The following DNER variants were observed in gnomAD, a reference collection of about 807,000 sequenced individuals.
DNER encodes delta/notch like EGF repeat containing.
DNER carries 33 observed loss-of-function variants against 78.2 expected under a neutral mutation model. That is an observed-to-expected ratio of 0.42 (90% CI 0.32 to 0.56). The LOEUF is 0.56. Ranked by LOEUF, DNER falls within the 20% of genes least tolerant of loss-of-function variation. DNER has a pLI of 0.11. For missense variants in DNER, 918 were observed against 975.3 expected, an observed-to-expected ratio of 0.94 and a Z score of 0.78; for synonymous variants, 417 against 384.8, an observed-to-expected ratio of 1.08 and a Z score of -0.98.
chr2:229,652,108 G>A (rs745743503), intron 1 of DNER, among the ~76,000 whole-genome samples: 1 of 152,172 alleles, frequency 6.6e-6, no homozygotes, highest in Non-Finnish European at 1.5e-5. Flanking sequence ...AAGAGCTAGA[G>A]GAAACATCAA....
At chr2:229,643,716 T>C (rs548556331) in intron 1 of DNER, among the ~76,000 whole-genome samples, 21 of 152,326 alleles carry the variant, frequency 1.4e-4, no homozygotes, top group African/African-American at 4.8e-4. Flanking sequence ...CGGAAAAGAA[T>C]TGGGCATCAG....
intron 6 of DNER, among the ~76,000 whole-genome samples, chr2:229,497,928 GAA>G (rs1695533038): frequency 6.6e-6 from 1 of 151,938 alleles, no homozygotes; most frequent in Non-Finnish European, 1.5e-5. Context: ...CCAAAATATG[GAA>G]GAGAAGGCCA....
intron 5 of DNER, among the ~76,000 whole-genome samples, chr2:229,545,650 C>T (rs188965275): frequency 2.0e-5 from 3 of 152,326 alleles, no homozygotes; most frequent in Non-Finnish European, 4.4e-5. Context: ...CTTTGTTCAT[C>T]TGACTCCCAA....
At chr2:229,580,593 A>G (rs1203591166) in intron 4 of DNER, among the ~76,000 whole-genome samples, 3 of 152,204 alleles carry the variant, frequency 2.0e-5, no homozygotes, top group Admixed American at 6.5e-5. Context: ...TAAAGGAACA[A>G]ATGGAGAGAG....
chr2:229,584,400 G>C (rs752439079), intron 4 of DNER, among the ~76,000 whole-genome samples: 1 of 152,154 alleles, frequency 6.6e-6, no homozygotes, highest in Non-Finnish European at 1.5e-5. Flanking sequence ...CTTGAGCTCA[G>C]GCCTTTGAAT....
At chr2:229,697,898 A>G (rs1281498737) in intron 1 of DNER, among the ~76,000 whole-genome samples, 2 of 152,182 alleles carry the variant, frequency 1.3e-5, no homozygotes, top group Non-Finnish European at 2.9e-5. Flanking sequence ...ATGTAGAAGT[A>G]GAAGAGCAGG....
At chr2:229,661,115 T>A (rs1171843654) in intron 1 of DNER, among the ~76,000 whole-genome samples, 3 of 152,198 alleles carry the variant, frequency 2.0e-5, no homozygotes, top group Admixed American at 2.0e-4. Context: ...TTTTTACTGA[T>A]GACTCATAAG....
chr2:229,401,571 A>G (rs754731567), intron 10 of DNER, among the ~76,000 whole-genome samples: 5 of 152,102 alleles, frequency 3.3e-5, no homozygotes, highest in Non-Finnish European at 7.4e-5. Flanking sequence ...AAAAAAATCA[A>G]TCTCAAAAGG....
chr2:229,547,439 C>T (rs960641114), intron 4 of DNER, among the ~76,000 whole-genome samples: 8 of 152,300 alleles, frequency 5.3e-5, no homozygotes, highest in Non-Finnish European at 7.4e-5. Context: ...CCTGTGCTGG[C>T]GTCTTAGAAT....
intron 1 of DNER, among the ~76,000 whole-genome samples, chr2:229,666,920 G>T (rs1342527333): frequency 6.6e-6 from 1 of 152,194 alleles, no homozygotes; most frequent in African/African-American, 2.4e-5. Flanking sequence ...GGAGCCACCA[G>T]AAAGCACCTG....
At chr2:229,570,007 G>T (rs1055336646) in intron 4 of DNER, among the ~76,000 whole-genome samples, 4 of 152,146 alleles carry the variant, frequency 2.6e-5, no homozygotes, top group African/African-American at 9.7e-5. Context: ...ATTCCAGCTG[G>T]CTGTAACACT....
At chr2:229,542,624 G>A (rs1178897793) in intron 5 of DNER, among the ~76,000 whole-genome samples, 1 of 152,040 alleles carries the variant, frequency 6.6e-6, no homozygotes, top group Non-Finnish European at 1.5e-5. Flanking sequence ...CTTACATTGG[G>A]TGGAAGGTTG....
chr2:229,417,479 C>A (rs1037014130), intron 9 of DNER, among the ~76,000 whole-genome samples: 2 of 152,034 alleles, frequency 1.3e-5, no homozygotes, highest in Admixed American at 6.6e-5. Context: ...TTGCCATCCA[C>A]AAAACGTGGC....
intron 8 of DNER, among the ~76,000 whole-genome samples, chr2:229,425,667 T>C (rs184545469): frequency 8.5e-5 from 13 of 152,302 alleles, no homozygotes; most frequent in African/African-American, 3.1e-4. Flanking sequence ...ACAGGAGTAC[T>C]TTCCCTCTCC....
intron 1 of DNER, among the ~76,000 whole-genome samples, chr2:229,663,712 T>C (rs1037099096): frequency 6.6e-6 from 1 of 152,240 alleles, no homozygotes; most frequent in African/African-American, 2.4e-5. Context: ...ACTGGAAATA[T>C]GGCATGAATC....
rs150651930 is a variant in DNER at position 229,522,791 on chromosome 2, C to T, written c.994-9855G>A. ...CCTAAAGATGGAAAGCCGATGGGGA[C>T]GGAACAGAGGACAAAGCTATCATCT... is the stretch of plus-strand genomic sequence containing the variant. On this transcript the variant is annotated intron_variant, in intron 5 of 12. Transcript: ENST00000341772. 1.2e-3 allele frequency among the ~76,000 whole-genome samples: 188 copies of T among 152,258 alleles called. 2 individuals carry two copies. In the East Asian group the frequency reaches 0.027, roughly 22 times the overall value.
chr2:229,463,788 C>G (rs1175524552), intron 7 of DNER, among the ~76,000 whole-genome samples: 3 of 152,136 alleles, frequency 2.0e-5, no homozygotes, highest in Non-Finnish European at 4.4e-5. Flanking sequence ...CACGGGAAAG[C>G]AAGGAGAAGG....
chr2:229,390,499 C>T (rs1284899291), intron 10 of DNER, among the ~76,000 whole-genome samples: 1 of 152,242 alleles, frequency 6.6e-6, no homozygotes, highest in Non-Finnish European at 1.5e-5. Context: ...GGGGCTCTAA[C>T]ATAGTCAGGG....
intron 11 of DNER, among the ~76,000 whole-genome samples, chr2:229,380,588 C>T (rs2106332194): frequency 6.6e-6 from 1 of 152,270 alleles, no homozygotes; most frequent in Non-Finnish European, 1.5e-5. Context: ...AATAAGAAGA[C>T]AATACCTTTC....
Sources: allele counts gnomAD v4.1 joint callset (sites outside exome capture counted in the v4.1 genomes callset), GRCh38; gene constraint gnomAD v4.1.1; transcripts MANE v1.5; gene names NCBI Gene and HGNC (gene_info 2026-07-23, HGNC 2026-07-21).